Variants in SEC23IP observed in about 807,000 individuals in gnomAD.
SEC23IP encodes SEC23 interacting protein.
In SEC23IP, 70 loss-of-function variants were observed where a neutral mutation model predicts 113.4. The observed-to-expected ratio is 0.62, with a 90% CI of 0.51 to 0.75. The LOEUF (loss-of-function observed/expected upper bound fraction) is 0.75, where lower values mean the gene tolerates loss of function less well. Ranked by LOEUF, SEC23IP falls within the 30% of genes least tolerant of loss-of-function variation. The pLI, the probability that SEC23IP is intolerant of heterozygous loss-of-function variation, is 0.00. For synonymous variants in SEC23IP, 398 were observed against 421.0 expected (o/e 0.95, Z 0.67); for missense variants, 1,160 against 1,204.9 (o/e 0.96, Z 0.55).
chr10:119,927,589 A>G (rs962063603), intron 13 of SEC23IP, among the ~76,000 whole-genome samples: 1 of 151,984 alleles, frequency 6.6e-6, no homozygotes, highest in Non-Finnish European at 1.5e-5. Flanking sequence ...GTGTGTCCAA[A>G]TTTCCCCTTT....
chr10:119,897,484 T>C (rs1854317041), intron 1 of SEC23IP, among the ~76,000 whole-genome samples: 1 of 152,188 alleles, frequency 6.6e-6, no homozygotes, highest in Admixed American at 6.5e-5. Context: ...TGATAGTGCA[T>C]GATTTTAGGG....
chr10:119,920,791 T>C, intron 11 of SEC23IP, 98 bp from the exon 12 acceptor site: 1 of 754,696 alleles, frequency 1.3e-6, no homozygotes, highest in South Asian at 2.1e-5. Flanking sequence ...GGCTCTTAGA[T>C]TGCTTTAGAT....
chr10:119,903,115 T>A, intron 3 of SEC23IP, 106 bp downstream of exon 3: 1 of 913,840 alleles, frequency 1.1e-6, no homozygotes, highest in Non-Finnish European at 1.7e-6. Context: ...TTAATCCTTA[T>A]AGACCCCAGA....
At chr10:119,928,011 G>T (rs1564922368) in intron 13 of SEC23IP, among the ~76,000 whole-genome samples, 1 of 152,186 alleles carries the variant, frequency 6.6e-6, no homozygotes, top group Admixed American at 6.5e-5. Flanking sequence ...TTAAAAATAT[G>T]TAGTAGTTTC....
At chr10:119,907,129 T>C (rs1284935466) in intron 4 of SEC23IP, among the ~76,000 whole-genome samples, 1 of 151,564 alleles carries the variant, frequency 6.6e-6, no homozygotes, top group Admixed American at 6.6e-5. Context: ...AAACCCTGTC[T>C]CTACTAAAAA....
chr10:119,913,921 G>A (rs962142570), intron 6 of SEC23IP, among the ~76,000 whole-genome samples: 12 of 151,922 alleles, frequency 7.9e-5, no homozygotes, highest in African/African-American at 2.4e-4. Context: ...GGAGGCCGAG[G>A]CAAGTGGATC....
In SEC23IP at chr10:119,919,504, G is replaced by A. The variant is rs1461353986; in HGVS notation, c.1933G>A (p.Glu645Lys). The A allele has an allele frequency of 6.2e-7, 1 of 1,613,248 alleles. No homozygotes were observed. The highest frequency in any genetic ancestry group is 8.5e-7 in the Non-Finnish European group (1 of 1,179,700). The stretch of plus-strand genomic sequence containing the variant: ...GTATGACCTTGTTGTTGAAAATAAA[G>A]AAGTCCTAACTTTGCAAGAAACTCT... ...ESYDLVVENK[E>K]VLTLQETLEA... The change falls in exon 11 of 19, where the codon GAA (glutamate) becomes AAA (lysine). Residue 645 changes from glutamate to lysine, a missense_variant. Glu to Lys is a moderately conservative substitution (Grantham distance 56). Transcript: ENST00000369075.
chr10:119,932,000 TC>T (rs1855620869), intron 15 of SEC23IP, 132 bp from the exon 16 acceptor site: 1 of 556,190 alleles, frequency 1.8e-6, no homozygotes, highest in Non-Finnish European at 3.2e-6. Context: ...GCTGAGGCAC[TC>T]CGTATATTTG....
chr10:119,903,138 AG>A (rs756721680), intron 3 of SEC23IP, 129 bp downstream of exon 3: 8 of 732,194 alleles, frequency 1.1e-5, no homozygotes, highest in Non-Finnish European at 1.6e-5. Context: ...CTGTACCTTA[AG>A]GTGACGATAT....
chr10:119,923,446 CTG>C (rs1279713336), intron 12 of SEC23IP, among the ~76,000 whole-genome samples: 15 of 150,998 alleles, frequency 9.9e-5, no homozygotes, highest in African/African-American at 2.9e-4. Context: ...ATATTTGTGA[CTG>C]TGTGCTTTTT....
chr10:119,903,969 C>G, intron 3 of SEC23IP, 115 bp from the exon 4 acceptor site: 1 of 1,085,522 alleles, frequency 9.2e-7, no homozygotes. Context: ...ATCCACCTCT[C>G]TCGGCCTCCC....
intron 15 of SEC23IP, among the ~76,000 whole-genome samples, chr10:119,930,977 A>C (rs185646812): frequency 2.6e-5 from 4 of 152,088 alleles, no homozygotes; most frequent in Non-Finnish European, 5.9e-5. Flanking sequence ...GTGATTACGC[A>C]CTCTTATGTG....
chr10:119,935,297 C>T (rs181834343), intron 18 of SEC23IP, among the ~76,000 whole-genome samples: 1 of 152,184 alleles, frequency 6.6e-6, no homozygotes, highest in East Asian at 1.9e-4. Context: ...CCTGTCTCTA[C>T]TAAAAATACA....
intron 17 of SEC23IP, 42 bp downstream of exon 17, chr10:119,933,209 G>A: frequency 6.6e-7 from 1 of 1,523,066 alleles, no homozygotes; most frequent in Non-Finnish European, 9.0e-7. Context: ...TGGGCTTTTG[G>A]TGCTAGCACG....
intron 12 of SEC23IP, among the ~76,000 whole-genome samples, chr10:119,921,904 C>T (rs1013957498): frequency 2.0e-5 from 3 of 151,336 alleles, no homozygotes; most frequent in East Asian, 3.9e-4. Flanking sequence ...TACATCATTT[C>T]TTTATATGGG....
chr10:119,920,507 A>G (rs980822735), intron 11 of SEC23IP, among the ~76,000 whole-genome samples: 2 of 152,250 alleles, frequency 1.3e-5, no homozygotes, highest in African/African-American at 4.8e-5. Context: ...GAGCACACAC[A>G]CAGAGAAAAA....
intron 6 of SEC23IP, 60 bp from the exon 7 acceptor site, chr10:119,914,670 A>G (rs939855577): frequency 2.2e-6 from 3 of 1,359,156 alleles, no homozygotes; most frequent in Non-Finnish European, 3.2e-6. Flanking sequence ...GAATATTGCC[A>G]TTAGGAAAAT....
chr10:119,902,104 C>T (rs1589823868), intron 2 of SEC23IP, among the ~76,000 whole-genome samples: 1 of 152,170 alleles, frequency 6.6e-6, no homozygotes, highest in East Asian at 1.9e-4. Context: ...CACCTGTAAT[C>T]CCAACACTTT....
rs1856012969 is a variant in SEC23IP, at chr10:119,943,628, T to G, written c.*3063T>G. On this transcript the variant is annotated 3_prime_UTR_variant, in exon 19 of 19. Coordinates refer to ENST00000369075, the MANE Select transcript of SEC23IP (RefSeq NM_007190.4). ...TGAATAAAAAATAAAACAGCAACTCTTGCAGATTTCCCGAATGTATTGGTC... is the reference window on the plus strand; with the variant it reads ...TGAATAAAAAATAAAACAGCAACTCGTGCAGATTTCCCGAATGTATTGGTC... 1 of 152,142 alleles carries G rather than the reference T, an allele frequency of 6.6e-6. No individual in the cohort carries two copies. Among genetic ancestry groups the G allele is most frequent in the African/African-American group, 2.4e-5 (1 of 41,444 alleles). 9.4% of individuals were successfully genotyped at this position (152,142 alleles called of 1,614,324 possible).
Sources: gnomAD v4.1 joint callset for allele counts (sites outside exome capture counted in the v4.1 genomes callset) on GRCh38, gnomAD v4.1.1 for gene constraint, MANE v1.5 for transcripts, NCBI Gene and HGNC (gene_info 2026-07-23, HGNC 2026-07-21) for gene names.